The following MCTS1 variants were observed in gnomAD, a reference collection of about 807,000 sequenced individuals.
MCTS1 encodes malignant T-cell-amplified sequence 1.
For synonymous variants in MCTS1, 26 were observed against 40.8 expected (o/e 0.64, Z 1.38); for missense variants, 55 against 128.6 (o/e 0.43, Z 2.77).
Position 120,612,322 on chromosome X carries a change from G to A in MCTS1, c.*58G>A. 2.3e-6 allele frequency: 2 copies of A among 871,226 alleles called. No homozygotes were observed. Among genetic ancestry groups the A allele is most frequent in the Non-Finnish European group, 3.3e-6 (2 of 612,310 alleles). The allele number at this position is 871,226 out of a possible 1,213,427, so 71.8% of individuals were successfully genotyped here. On this transcript the variant is annotated 3_prime_UTR_variant, in exon 6 of 6. Transcript: ENST00000371317. ...GATATTGTGCTGTATCTGTGTTTGT[G>A]TCTGTGTGTGACAGCATGAAGATAA...
rs758185387 is a variant in MCTS1 at position 120,619,831 on chromosome X, C to A, written c.*7567C>A. 1.8e-5 allele frequency among the ~76,000 whole-genome samples: 2 copies of A among 111,898 alleles called. No individual in the cohort carries two copies. The highest frequency in any genetic ancestry group is 1.9e-4 in the Admixed American group (2 of 10,515). On this transcript the variant is annotated 3_prime_UTR_variant, in exon 6 of 6. Coordinates refer to ENST00000371317, the MANE Select transcript of MCTS1 (RefSeq NM_014060.3). ...AGTGGGAGAATCTTGAAATTGAACT[C>A]AGTCCTGAGGTCTGATTTTCCTATT...
rs1032078968 is a variant in MCTS1 at position 120,616,043 on chromosome X, C to T, written c.*3779C>T. Among the ~76,000 whole-genome samples, 2 of 112,383 alleles carry T rather than the reference C, an allele frequency of 1.8e-5. No individual in the cohort carries two copies. The highest frequency in any genetic ancestry group is 3.8e-5 in the Non-Finnish European group (2 of 53,271). Reference sequence around the variant, plus strand: ...GATAAGAATTACAATTCACTAAATTCGTGGAGGTGTTTCATTATAATAAAT... The same window carrying T: ...GATAAGAATTACAATTCACTAAATTTGTGGAGGTGTTTCATTATAATAAAT... On this transcript the variant is annotated 3_prime_UTR_variant, in exon 6 of 6. Transcript: ENST00000371317.
intron 4 of MCTS1, among the ~76,000 whole-genome samples, chrX:120,609,789 AT>A (rs1192455154): frequency 9.0e-6 from 1 of 111,679 alleles, no homozygotes; most frequent in Non-Finnish European, 1.9e-5. Context: ...TTTAAAAATA[AT>A]TTTTATTTTG....
Position 120,615,677 on chromosome X carries a change from G to A in MCTS1, c.*3413G>A, listed in dbSNP as rs1299573721. Among the ~76,000 whole-genome samples, 3 of 111,413 alleles carry A rather than the reference G, an allele frequency of 2.7e-5. No homozygotes were observed. The highest frequency in any genetic ancestry group is 9.8e-5 in the African/African-American group (3 of 30,691). On this transcript the variant is annotated 3_prime_UTR_variant, in exon 6 of 6. Coordinates refer to ENST00000371317, the MANE Select transcript of MCTS1 (RefSeq NM_014060.3). ...AAATCCCAGATGTCTTGGAGTTGCC[G>A]TGATTCAGCATCCCAACTCAGATGA...
Position 120,616,980 on chromosome X carries a change from A to T in MCTS1, c.*4716A>T, listed in dbSNP as rs1284490784. 1.8e-5 allele frequency among the ~76,000 whole-genome samples: 2 copies of T among 112,221 alleles called. No homozygotes were observed. The highest frequency in any genetic ancestry group is 5.6e-4 in the East Asian group (2 of 3,593). ...AATGACTAAATAGACTTAAGATTAG[A>T]GGAAGGTAGGAAAAGGTGTGCAACT... On this transcript the variant is annotated 3_prime_UTR_variant, in exon 6 of 6. Transcript: ENST00000371317.
At position 120,620,538 on chromosome X, in the gene MCTS1, G is replaced by A. The variant is rs1164114798; in HGVS notation, c.*8274G>A. ...AATCCCAGCTACACAGGAGGCTGAG[G>A]CAGGAGATTTGCTTGAACCTGGGAG... is the stretch of plus-strand genomic sequence containing the variant. On this transcript the variant is annotated 3_prime_UTR_variant, in exon 6 of 6. Coordinates refer to ENST00000371317, the MANE Select transcript of MCTS1 (RefSeq NM_014060.3). The A allele has an allele frequency of 9.2e-6, 1 of 109,134 alleles. No homozygotes were observed. The highest frequency in any genetic ancestry group is 1.9e-5 in the Non-Finnish European group (1 of 52,539). 9.0% of individuals were successfully genotyped at this position (109,134 alleles called of 1,213,427 possible). A position where few individuals can be genotyped will look rare whatever the true frequency, so the allele number is the denominator to read the frequency against.
intron 1 of MCTS1, 59 bp from the exon 2 acceptor site, chrX:120,605,348 G>C: frequency 9.9e-7 from 1 of 1,009,286 alleles, no homozygotes; most frequent in Non-Finnish European, 1.3e-6. Context: ...GTACCTTTAG[G>C]TATTCTGATA....
At chrX:120,609,558 A>T (rs1022074184) in intron 4 of MCTS1, among the ~76,000 whole-genome samples, 1 of 111,811 alleles carries the variant, frequency 8.9e-6, no homozygotes, top group Non-Finnish European at 1.9e-5. Context: ...AGGTAGTATA[A>T]GTAGTATGTT....
chrX:120,616,518 A>G lies in MCTS1; in HGVS notation c.*4254A>G, dbSNP rs141130589. 4.1e-3 allele frequency among the ~76,000 whole-genome samples: 458 copies of G among 111,665 alleles called. 3 individuals are homozygous for G. Among genetic ancestry groups the G allele is most frequent in the African/African-American group, 0.014 (435 of 30,852 alleles). ...CACGAGATCAGGAATGAATGAAGAAAATTGAGGGCCAGTTTTTAAATCATT... is the reference window on the plus strand; with the variant it reads ...CACGAGATCAGGAATGAATGAAGAAGATTGAGGGCCAGTTTTTAAATCATT... On this transcript the variant is annotated 3_prime_UTR_variant, in exon 6 of 6. Transcript: ENST00000371317.
intron 5 of MCTS1, 52 bp downstream of exon 5, chrX:120,611,130 AG>A (rs751152625): frequency 9.3e-7 from 1 of 1,078,838 alleles, no homozygotes; most frequent in African/African-American, 1.8e-5. Context: ...TAACCAACCC[AG>A]GAAGCATCAG....
Position 120,612,673 on chromosome X carries a change from GTGTGTGTGTGTGTA to G in MCTS1, c.*423_*436del, listed in dbSNP as rs750144039. Reference sequence around the variant, plus strand: ...AGTGCTCATTCTCGTGTGTGTGTGTGTGTGTGTGTGTGTATGTGTGTGTGTGTGTGTGTGTGTGT... The same window carrying G: ...AGTGCTCATTCTCGTGTGTGTGTGTGTGTGTGTGTGTGTGTGTGTGTGTGT... On this transcript the variant is annotated 3_prime_UTR_variant, in exon 6 of 6. Transcript: ENST00000371317. Among the ~76,000 whole-genome samples the G allele has an allele frequency of 1.4e-5, 1 of 69,442 alleles. No homozygotes were observed. The highest frequency in any genetic ancestry group is 2.6e-5 in the Non-Finnish European group (1 of 38,460). The allele number at this position is 69,442 out of a possible 115,157, so 60.3% of individuals were successfully genotyped here.
chrX:120,608,816 A>AG (rs1415507647), intron 4 of MCTS1, among the ~76,000 whole-genome samples: 1 of 112,298 alleles, frequency 8.9e-6, no homozygotes, highest in Non-Finnish European at 1.9e-5. Context: ...GGTATCTCTT[A>AG]CCAAGCAACA....
At position 120,605,470 on chromosome X, in the gene MCTS1, T is replaced by C. The variant is rs930315029; in HGVS notation, c.75T>C (p.Ile25=). 3 of 1,199,432 alleles carry C rather than the reference T, an allele frequency of 2.5e-6. No homozygotes were observed. Among genetic ancestry groups the C allele is most frequent in the Non-Finnish European group, 3.4e-6 (3 of 889,999 alleles). Residue 25 remains isoleucine, a synonymous_variant, in exon 2 of 6, where the codon ATT becomes ATC. Transcript: ENST00000371317. ...TGAAAACTTCAGTTATTAAGGGTAT[T>C]AAGAATCAATTGATAGAGCAATTTC... is the stretch of plus-strand genomic sequence containing the variant. ...IQLKTSVIKG[I]KNQLIEQFPG... is the part of the protein sequence containing the mutation.
rs2147370991 is a variant in MCTS1 at position 120,604,168 on chromosome X, G to A, written c.-69G>A. ...CTTCCTCGTGTGAGGGGATCTGCCGGACCCCTGCAAATTCAATTTCTTTCC... is the reference window on the plus strand; with the variant it reads ...CTTCCTCGTGTGAGGGGATCTGCCGAACCCCTGCAAATTCAATTTCTTTCC... On this transcript the variant is annotated 5_prime_UTR_variant, in exon 1 of 6. Transcript: ENST00000371317. 1 of 1,163,031 alleles carries A rather than the reference G, an allele frequency of 8.6e-7. No individual in the cohort carries two copies. The highest frequency in any genetic ancestry group is 3.0e-5 in the East Asian group (1 of 33,333).
intron 4 of MCTS1, among the ~76,000 whole-genome samples, chrX:120,608,928 T>C (rs1926611233): frequency 8.9e-6 from 1 of 111,898 alleles, no homozygotes; most frequent in South Asian, 3.7e-4. Context: ...TCAGAGCACG[T>C]TTTCTCAAAG....
intron 4 of MCTS1, among the ~76,000 whole-genome samples, chrX:120,608,883 A>C (rs1926609107): frequency 8.9e-6 from 1 of 112,040 alleles, no homozygotes; most frequent in African/African-American, 3.2e-5. Flanking sequence ...TTTTATTTTG[A>C]AAATTAATTA....
rs1007270678 is a variant in MCTS1 at position 120,617,901 on chromosome X, G to A, written c.*5637G>A. 2.7e-5 allele frequency among the ~76,000 whole-genome samples: 3 copies of A among 112,368 alleles called. No homozygotes were observed. The highest frequency in any genetic ancestry group is 6.5e-5 in the African/African-American group (2 of 30,949). On this transcript the variant is annotated 3_prime_UTR_variant, in exon 6 of 6. Transcript: ENST00000371317. ...TGGAAAAAGTGCTATTTTTCCAAAC[G>A]TATGCCTTGAAAACAAATACAATTC...
rs1347762582 is a variant in MCTS1, at chrX:120,620,284, G to C, written c.*8020G>C. Among the ~76,000 whole-genome samples, 1 of 108,604 alleles carries C rather than the reference G, an allele frequency of 9.2e-6. No individual in the cohort carries two copies. Among genetic ancestry groups the C allele is most frequent in the Admixed American group, 1.0e-4 (1 of 10,026 alleles). The allele number at this position is 108,604 out of a possible 115,157, so 94.3% of individuals were successfully genotyped here. A position where few individuals can be genotyped will look rare whatever the true frequency, so the allele number is the denominator to read the frequency against. The stretch of plus-strand genomic sequence containing the variant: ...GATCGCACCACTGCATTCCAGCCTG[G>C]ACAACAGAGCGAAACTCCGTCTCAA... On this transcript the variant is annotated 3_prime_UTR_variant, in exon 6 of 6. Coordinates refer to ENST00000371317, the MANE Select transcript of MCTS1 (RefSeq NM_014060.3).
At position 120,613,074 on chromosome X, in the gene MCTS1, G is replaced by A. The variant is rs895960459; in HGVS notation, c.*810G>A. 6.4e-5 allele frequency among the ~76,000 whole-genome samples: 7 copies of A among 109,435 alleles called. No homozygotes were observed. Among genetic ancestry groups the A allele is most frequent in the Non-Finnish European group, 9.5e-5 (5 of 52,548 alleles). On this transcript the variant is annotated 3_prime_UTR_variant, in exon 6 of 6. Coordinates refer to ENST00000371317, the MANE Select transcript of MCTS1 (RefSeq NM_014060.3). ...CCTGAGTAGCTGGGATTACAGGCAC[G>A]TGCCACCATGCCCGGCTAATTTTGT...
Sources: allele counts gnomAD v4.1 joint callset (sites outside exome capture counted in the v4.1 genomes callset), GRCh38; gene constraint gnomAD v4.1.1; transcripts MANE v1.5; gene names NCBI Gene and HGNC (gene_info 2026-07-23, HGNC 2026-07-21).